Variants in ARHGEF28 observed in about 807,000 individuals in gnomAD.
ARHGEF28 encodes the protein 190 kDa guanine nucleotide exchange factor.
In ARHGEF28, 152 loss-of-function variants were observed where a neutral mutation model predicts 206.6. The ratio of observed to expected loss-of-function variants is 0.74; its 90% CI spans 0.64 to 0.84. The LOEUF (loss-of-function observed/expected upper bound fraction) is 0.84. Ranked by LOEUF, ARHGEF28 falls within the 40% of genes least tolerant of loss-of-function variation. The pLI, the probability that ARHGEF28 is intolerant of heterozygous loss-of-function variation, is 0.00. For missense variants in ARHGEF28, 2,028 were observed against 2,073.2 expected, an observed-to-expected ratio of 0.98 and a Z score of 0.42; for synonymous variants, 763 against 776.4, an observed-to-expected ratio of 0.98 and a Z score of 0.29.
In ARHGEF28 at chr5:73,845,254, G is replaced by C; in HGVS notation, c.1428-1014G>C. On this transcript the variant is annotated intron_variant, in intron 11 of 35. Coordinates refer to ENST00000513042, the MANE Select transcript of ARHGEF28 (RefSeq NM_001177693.2). Reference sequence around the variant, plus strand: ...GGATGGTCTCGATCTCTGACCTCATGATCCGCCCACCTTGGCCTCCCAAAG... The same window carrying C: ...GGATGGTCTCGATCTCTGACCTCATCATCCGCCCACCTTGGCCTCCCAAAG... 1.3e-5 allele frequency among the ~76,000 whole-genome samples: 2 copies of C among 152,066 alleles called. 1 individual carries two copies. Among genetic ancestry groups the C allele is most frequent in the South Asian group, 4.1e-4 (2 of 4,826 alleles).
At chr5:73,798,438 T>G (rs1051240011) in intron 9 of ARHGEF28, among the ~76,000 whole-genome samples, 2 of 152,204 alleles carry the variant, frequency 1.3e-5, no homozygotes, top group African/African-American at 4.8e-5. Context: ...GAGAAATGTC[T>G]TGGGTGAGTA....
chr5:73,825,074 G>T (rs995783556), intron 9 of ARHGEF28, among the ~76,000 whole-genome samples: 2 of 152,150 alleles, frequency 1.3e-5, no homozygotes, highest in South Asian at 2.1e-4. Context: ...TGCCTGTATG[G>T]TTCTAGGTAC....
intron 1 of ARHGEF28, among the ~76,000 whole-genome samples, chr5:73,638,431 G>A (rs1448390621): frequency 1.3e-5 from 2 of 152,308 alleles, no homozygotes; most frequent in African/African-American, 4.8e-5. Context: ...TCTTGATGTT[G>A]TTCTTGATAT....
chr5:73,699,956 A>G (rs900145290), intron 2 of ARHGEF28, among the ~76,000 whole-genome samples: 2 of 152,204 alleles, frequency 1.3e-5, no homozygotes, highest in African/African-American at 4.8e-5. Flanking sequence ...TCAAAAGTCT[A>G]TTCTCATCAG....
chr5:73,635,172 C>T (rs1055623576), intron 1 of ARHGEF28, among the ~76,000 whole-genome samples: 1 of 152,096 alleles, frequency 6.6e-6, no homozygotes, highest in Non-Finnish European at 1.5e-5. Flanking sequence ...GGATAAACCC[C>T]GTCTCTACTA....
At chr5:73,804,457 T>C (rs181658049) in intron 9 of ARHGEF28, among the ~76,000 whole-genome samples, 1 of 152,350 alleles carries the variant, frequency 6.6e-6, no homozygotes, top group Admixed American at 6.5e-5. Context: ...ATGCAAACAT[T>C]GTTTTAGCAT....
At chr5:73,756,138 TA>T (rs1448022909) in intron 4 of ARHGEF28, among the ~76,000 whole-genome samples, 2 of 152,236 alleles carry the variant, frequency 1.3e-5, no homozygotes, top group Non-Finnish European at 2.9e-5. Context: ...GGCATAGTAG[TA>T]CCTGCTTCAT....
chr5:73,701,465 C>T (rs931462517), intron 2 of ARHGEF28, among the ~76,000 whole-genome samples: 99 of 152,196 alleles, frequency 6.5e-4, no homozygotes, highest in African/African-American at 1.5e-3. Context: ...GAGGGGGCTA[C>T]TAGCCATTAA....
chr5:73,651,553 C>A (rs1318564406), intron 1 of ARHGEF28, among the ~76,000 whole-genome samples: 2 of 152,088 alleles, frequency 1.3e-5, no homozygotes, highest in African/African-American at 4.8e-5. Flanking sequence ...ACATATAGGG[C>A]CTGGTGTGTA....
At chr5:73,864,290 G>T (rs2931435) in intron 16 of ARHGEF28, among the ~76,000 whole-genome samples, 1 of 152,048 alleles carries the variant, frequency 6.6e-6, no homozygotes, top group Non-Finnish European at 1.5e-5. Context: ...TAAAACAATG[G>T]GCACAGGGCT....
chr5:73,823,298 T>C (rs551158910), intron 9 of ARHGEF28, among the ~76,000 whole-genome samples: 1 of 152,320 alleles, frequency 6.6e-6, no homozygotes, highest in East Asian at 1.9e-4. Context: ...ACATATATTA[T>C]CAGATATGGT....
chr5:73,807,908 A>G (rs1248928656), intron 9 of ARHGEF28, among the ~76,000 whole-genome samples: 1 of 151,802 alleles, frequency 6.6e-6, no homozygotes, highest in Admixed American at 6.6e-5. Context: ...AGGTGTTTTG[A>G]GTATTTTCTT....
At chr5:73,791,034 G>A (rs544196010) in intron 7 of ARHGEF28, among the ~76,000 whole-genome samples, 2 of 152,346 alleles carry the variant, frequency 1.3e-5, no homozygotes, top group East Asian at 3.9e-4. Flanking sequence ...GTTTCAATTA[G>A]TTAATTCTAA....
chr5:73,922,379 C>T (rs1048598822), intron 35 of ARHGEF28, among the ~76,000 whole-genome samples: 4 of 152,212 alleles, frequency 2.6e-5, no homozygotes, highest in Admixed American at 1.3e-4. Context: ...CCTGGGAATA[C>T]ACTGACATTT....
At chr5:73,736,305 G>A (rs529978832) in intron 2 of ARHGEF28, among the ~76,000 whole-genome samples, 2 of 152,242 alleles carry the variant, frequency 1.3e-5, no homozygotes, top group Admixed American at 6.5e-5. Context: ...TGTGGGGGAC[G>A]CAGCACTGAC....
chr5:73,860,213 A>G (rs17553378), intron 16 of ARHGEF28, among the ~76,000 whole-genome samples: 5,176 of 152,252 alleles, frequency 0.034, 122 homozygotes, highest in South Asian at 0.073. Context: ...ATAGTCATCC[A>G]ATCTTATGTC....
chr5:73,733,472 A>C (rs1290471332), intron 2 of ARHGEF28, among the ~76,000 whole-genome samples: 1 of 152,180 alleles, frequency 6.6e-6, no homozygotes, highest in African/African-American at 2.4e-5. Flanking sequence ...GGGCTGGCTG[A>C]CTTAACCATG....
chr5:73,652,558 G>A (rs1744900048), intron 1 of ARHGEF28, among the ~76,000 whole-genome samples: 1 of 152,224 alleles, frequency 6.6e-6, no homozygotes, highest in African/African-American at 2.4e-5. Context: ...AAGCCAAACA[G>A]TTGAGAAGCA....
chr5:73,680,357 C>A (rs747618727), intron 1 of ARHGEF28, among the ~76,000 whole-genome samples: 8 of 143,696 alleles, frequency 5.6e-5, no homozygotes, highest in Admixed American at 5.2e-4. Flanking sequence ...ATTTCTTGAA[C>A]CTGGGAGGCA....
Sources: gnomAD v4.1 joint callset for allele counts (sites outside exome capture counted in the v4.1 genomes callset) on GRCh38, gnomAD v4.1.1 for gene constraint, MANE v1.5 for transcripts, NCBI Gene and HGNC (gene_info 2026-07-23, HGNC 2026-07-21) for gene names.